UBE2L3: variants seen among roughly 807,000 people sequenced by gnomAD.
UBE2L3 encodes the protein ubiquitin conjugating enzyme E2 L3, also known as ubiquitin-conjugating enzyme E2 L3.
In UBE2L3, 1 loss-of-function variant was observed where a neutral mutation model predicts 17.8. The ratio of observed to expected loss-of-function variants is 0.06; its 90% confidence interval spans 0.02 to 0.27. UBE2L3 has a LOEUF of 0.27. UBE2L3 is among the 10% of genes least tolerant of loss of function. The pLI is 1.00. For missense variants in UBE2L3, 40 were observed against 192.6 expected, an observed-to-expected ratio of 0.21 and a Z score of 4.69; for synonymous variants, 44 against 68.5, an observed-to-expected ratio of 0.64 and a Z score of 1.76.
At chr22:21,586,419 G>A (rs920406715) in intron 1 of UBE2L3, among the ~76,000 whole-genome samples, 4 of 151,770 alleles carry the variant, frequency 2.6e-5, no homozygotes, top group African/African-American at 4.8e-5. Context: ...ATAGGTGCAC[G>A]CCACCATGCC....
intron 1 of UBE2L3, among the ~76,000 whole-genome samples, chr22:21,591,689 G>A (rs73166630): frequency 0.19 from 28,148 of 152,082 alleles, 3,457 homozygotes; most frequent in East Asian, 0.41. Flanking sequence ...GGGCTGATAG[G>A]GAGCCCCCAA....
intron 2 of UBE2L3, among the ~76,000 whole-genome samples, chr22:21,593,397 C>T (rs1423744524): frequency 6.6e-6 from 1 of 152,158 alleles, no homozygotes; most frequent in African/African-American, 2.4e-5. Flanking sequence ...TCCTGGTCCC[C>T]TCCAACCTGT....
chr22:21,567,380 G>A (rs1926682722), upstream of UBE2L3, among the ~76,000 whole-genome samples: 1 of 152,190 alleles, frequency 6.6e-6, no homozygotes, highest in African/African-American at 2.4e-5. Context: ...GGCCAGGCTG[G>A]TCTCGAACTC....
chr22:21,564,964 G>C (rs1263671400), upstream of UBE2L3, among the ~76,000 whole-genome samples: 2 of 152,076 alleles, frequency 1.3e-5, no homozygotes, highest in Admixed American at 6.6e-5. Flanking sequence ...ACTGGCCTTG[G>C]GGGAGGTAAA....
chr22:21,562,559 G>A (rs1002536268), intron 1 of UBE2L3, among the ~76,000 whole-genome samples: 4 of 151,662 alleles, frequency 2.6e-5, no homozygotes, highest in Admixed American at 6.6e-5. Flanking sequence ...TTTTAGTAGA[G>A]ACGGGGTTTC....
intron 1 of UBE2L3, among the ~76,000 whole-genome samples, chr22:21,570,391 A>T (rs1926896871): frequency 6.6e-6 from 1 of 152,232 alleles, no homozygotes; most frequent in South Asian, 2.1e-4. Flanking sequence ...TACGTAAGTC[A>T]TCTTTTCAAC....
intron 1 of UBE2L3, among the ~76,000 whole-genome samples, chr22:21,571,503 G>A (rs529255335): frequency 1.3e-5 from 2 of 152,228 alleles, no homozygotes; most frequent in South Asian, 4.1e-4. Flanking sequence ...CTGCCTCCCA[G>A]GTTCAAGCGA....
intron 2 of UBE2L3, among the ~76,000 whole-genome samples, chr22:21,609,662 C>T (rs1215941545): frequency 6.6e-6 from 1 of 152,022 alleles, no homozygotes. Flanking sequence ...GAGCCAAGAT[C>T]ACGCCACCAT....
chr22:21,576,809 T>C (rs1279435883), intron 1 of UBE2L3, among the ~76,000 whole-genome samples: 1 of 146,578 alleles, frequency 6.8e-6, no homozygotes, highest in East Asian at 2.0e-4. Context: ...TCCTTTTTTT[T>C]TTTTTTTTTT....
intron 2 of UBE2L3, among the ~76,000 whole-genome samples, chr22:21,610,359 T>C (rs552725371): frequency 6.6e-6 from 1 of 152,350 alleles, no homozygotes; most frequent in East Asian, 1.9e-4. Flanking sequence ...TGATTCCAGC[T>C]ATCATGTCTG....
At chr22:21,617,571 G>A (rs1471577481) in intron 3 of UBE2L3, among the ~76,000 whole-genome samples, 4 of 151,948 alleles carry the variant, frequency 2.6e-5, no homozygotes, top group East Asian at 3.8e-4. Flanking sequence ...CCGGCCTGTT[G>A]TATGTTTTTA....
chr22:21,578,627 A>C (rs945936041), intron 1 of UBE2L3, among the ~76,000 whole-genome samples: 2 of 152,084 alleles, frequency 1.3e-5, no homozygotes, highest in Non-Finnish European at 2.9e-5. Context: ...ACACGGAAAC[A>C]CCTTCCAGGA....
chr22:21,569,167 G>T (rs533058999), intron 1 of UBE2L3, among the ~76,000 whole-genome samples: 60 of 151,964 alleles, frequency 3.9e-4, no homozygotes, highest in African/African-American at 1.4e-3. Flanking sequence ...AGGCCGAGGC[G>T]GGCGGATCAC....
chr22:21,567,774 A>G lies in UBE2L3; in HGVS notation c.27+3A>G. On this transcript the variant is annotated splice_donor_region_variant and intron_variant, in intron 1 of 3. Coordinates refer to ENST00000342192, the MANE Select transcript of UBE2L3 (RefSeq NM_003347.4). ...CGGCCAGCAGGAGGCTGATGAAGGTAAAAGCCATTCTCTGGCAGCGGCCGG... is the reference window on the plus strand; with the variant it reads ...CGGCCAGCAGGAGGCTGATGAAGGTGAAAGCCATTCTCTGGCAGCGGCCGG... The G allele has an allele frequency of 6.3e-7, 1 of 1,582,742 alleles. No homozygotes were observed. Among genetic ancestry groups the G allele is most frequent in the Non-Finnish European group, 8.6e-7 (1 of 1,165,910 alleles).
At chr22:21,605,453 G>A (rs925313221) in intron 2 of UBE2L3, among the ~76,000 whole-genome samples, 4 of 152,004 alleles carry the variant, frequency 2.6e-5, no homozygotes, top group African/African-American at 7.2e-5. Flanking sequence ...TCCTGATCTC[G>A]TGATCCACCT....
chr22:21,619,275 G>T (rs1362843065), intron 3 of UBE2L3, among the ~76,000 whole-genome samples: 1 of 152,156 alleles, frequency 6.6e-6, no homozygotes, highest in African/African-American at 2.4e-5. Context: ...TACCTCCAGG[G>T]CCTGCTGCCT....
chr22:21,562,411 T>A (rs1226007244), intron 1 of UBE2L3, among the ~76,000 whole-genome samples: 11 of 139,066 alleles, frequency 7.9e-5, no homozygotes, highest in Admixed American at 2.9e-4. Context: ...TCGCTCTGTC[T>A]CCCAGGCTGG....
At chr22:21,563,375 C>A (rs1926516672), upstream of UBE2L3, among the ~76,000 whole-genome samples, 1 of 148,470 alleles carries the variant, frequency 6.7e-6, no homozygotes, top group South Asian at 2.1e-4. Context: ...CACAGTGAAA[C>A]CCCATCTCTA....
At chr22:21,580,099 A>G (rs1927541641) in intron 1 of UBE2L3, among the ~76,000 whole-genome samples, 1 of 152,234 alleles carries the variant, frequency 6.6e-6, no homozygotes, top group Non-Finnish European at 1.5e-5. Context: ...GAGCAAGCTA[A>G]GCCCTCCTGG....
Sources: allele counts gnomAD v4.1 joint callset (sites outside exome capture counted in the v4.1 genomes callset), GRCh38; gene constraint gnomAD v4.1.1; transcripts MANE v1.5; gene names NCBI Gene and HGNC (gene_info 2026-07-23, HGNC 2026-07-21).